The following TMC1 variants were observed in gnomAD, a reference collection of about 807,000 sequenced individuals.
The protein encoded by TMC1 is transmembrane channel like 1.
In TMC1, 84 loss-of-function variants were observed where a neutral mutation model predicts 105.8. The ratio of observed to expected loss-of-function variants is 0.79; its 90% CI spans 0.67 to 0.95. The LOEUF (loss-of-function observed/expected upper bound fraction) is 0.95, where lower values mean the gene tolerates loss of function less well. Ranked by LOEUF, TMC1 falls within the 40% of genes least tolerant of loss-of-function variation. TMC1 has a pLI of 0.00. For missense variants in TMC1, 817 were observed against 914.1 expected (o/e 0.89, Z 1.37); for synonymous variants, 315 against 311.5 (o/e 1.01, Z -0.12).
chr9:72,695,282 A>G (rs1826531046), intron 7 of TMC1, among the ~76,000 whole-genome samples: 2 of 152,208 alleles, frequency 1.3e-5, no homozygotes, highest in South Asian at 2.1e-4. Context: ...TTTTCTTTTT[A>G]ATACAACTCA....
chr9:72,586,986 C>T (rs979793126), intron 2 of TMC1, among the ~76,000 whole-genome samples: 1 of 152,054 alleles, frequency 6.6e-6, no homozygotes, highest in Non-Finnish European at 1.5e-5. Context: ...GGACATTTGG[C>T]AAAGTCTGGA....
intron 4 of TMC1, among the ~76,000 whole-genome samples, chr9:72,629,681 A>G (rs1478358148): frequency 1.3e-5 from 2 of 152,190 alleles, no homozygotes; most frequent in Admixed American, 6.5e-5. Context: ...TATAACTTAT[A>G]TGAGACATAG....
chr9:72,706,411 T>G (rs1408361236), intron 8 of TMC1, among the ~76,000 whole-genome samples: 2 of 152,218 alleles, frequency 1.3e-5, no homozygotes, highest in African/African-American at 4.8e-5. Context: ...CATAAGTTTT[T>G]GGGGAACAGG....
At chr9:72,562,702 TAGAA>T (rs1425895033) in intron 1 of TMC1, among the ~76,000 whole-genome samples, 2 of 139,158 alleles carry the variant, frequency 1.4e-5, no homozygotes, top group East Asian at 2.1e-4. Flanking sequence ...TTTAAAAATT[TAGAA>T]AGGAGTTTCC....
At chr9:72,806,286 A>T (rs1642025506) in intron 18 of TMC1, among the ~76,000 whole-genome samples, 1 of 145,896 alleles carries the variant, frequency 6.9e-6, no homozygotes, top group South Asian at 2.1e-4. Context: ...CTCACTTCCC[A>T]GTAGGGGCAG....
At chr9:72,721,952 TA>T (rs1198555497) in intron 8 of TMC1, among the ~76,000 whole-genome samples, 1 of 152,122 alleles carries the variant, frequency 6.6e-6, no homozygotes, top group Non-Finnish European at 1.5e-5. Flanking sequence ...CAATTTTGCC[TA>T]AAAAATATCG....
intron 1 of TMC1, among the ~76,000 whole-genome samples, chr9:72,545,928 AAAAAGTTCAAATGTCATCGCTC>A (rs1823758414): frequency 6.7e-6 from 1 of 150,282 alleles, no homozygotes. Context: ...TCATCGCTCA[AAAAAGTTCAAATGTCATCGCTC>A]AAAAAAAAAA....
rs1554710175 is a variant in TMC1, at chr9:72,543,955, T to TC, written c.-428+22042_-428+22043insC. ...TTCTTTTTCTTTTTCTTTCTTTCTTTTTTTTTTTTTTTTTGAGATGGAGTC... is the reference window on the plus strand; with the variant it reads ...TTCTTTTTCTTTTTCTTTCTTTCTTTCTTTTTTTTTTTTTTGAGATGGAGTC... On this transcript the variant is annotated intron_variant, in intron 1 of 23. Transcript: ENST00000297784. Among the ~76,000 whole-genome samples the TC allele has an allele frequency of 6.9e-3, 254 of 36,902 alleles. 1 individual carries two copies. The highest frequency in any genetic ancestry group is 0.046 in the African/African-American group (219 of 4,784). The allele number at this position is 36,902 out of a possible 152,430, so 24.2% of individuals were successfully genotyped here.
chr9:72,715,347 G>T (rs1826899678), intron 8 of TMC1, among the ~76,000 whole-genome samples: 1 of 152,142 alleles, frequency 6.6e-6, no homozygotes, highest in East Asian at 1.9e-4. Context: ...ATAATATCCT[G>T]AAGAATGTTT....
intron 8 of TMC1, among the ~76,000 whole-genome samples, chr9:72,704,486 A>C (rs1264786643): frequency 6.6e-6 from 1 of 152,168 alleles, no homozygotes. Context: ...ACCCGAGCAC[A>C]CTCAGGGCTT....
At chr9:72,815,979 G>A (rs969153748) in intron 18 of TMC1, among the ~76,000 whole-genome samples, 164 bp from the exon 19 acceptor site, 12 of 151,972 alleles carry the variant, frequency 7.9e-5, no homozygotes, top group Non-Finnish European at 1.5e-4. Context: ...AAAAAAAGGT[G>A]CTTTCTTTGT....
At chr9:72,766,966 G>A (rs72733065) in intron 12 of TMC1, among the ~76,000 whole-genome samples, 12,392 of 152,262 alleles carry the variant, frequency 0.081, 655 homozygotes, top group Non-Finnish European at 0.13. Context: ...CACAAGGCCC[G>A]GGCTGGCTGC....
intron 20 of TMC1, among the ~76,000 whole-genome samples, chr9:72,826,069 G>T (rs1211083475): frequency 6.6e-6 from 1 of 152,200 alleles, no homozygotes; most frequent in Non-Finnish European, 1.5e-5. Context: ...TTATTCTGAT[G>T]ATGCATACAA....
chr9:72,820,123 T>A (rs1423630576), intron 19 of TMC1, among the ~76,000 whole-genome samples: 1 of 152,170 alleles, frequency 6.6e-6, no homozygotes, highest in Non-Finnish European at 1.5e-5. Flanking sequence ...TAAATAAATG[T>A]GTGGAATTTT....
intron 11 of TMC1, 102 bp downstream of exon 11, chr9:72,752,058 C>T (rs568140027): frequency 1.2e-5 from 10 of 843,382 alleles, no homozygotes; most frequent in South Asian, 8.2e-5. Context: ...GCTATTTTCA[C>T]GTCTTAGAGT....
chr9:72,784,914 GAAC>G (rs1283637219), intron 13 of TMC1, among the ~76,000 whole-genome samples: 2 of 152,122 alleles, frequency 1.3e-5, no homozygotes, highest in Admixed American at 6.5e-5. Flanking sequence ...GCAAAGAAGA[GAAC>G]AATAGACACC....
intron 1 of TMC1, among the ~76,000 whole-genome samples, chr9:72,556,776 C>G (rs1823947903): frequency 6.6e-6 from 1 of 151,886 alleles, no homozygotes; most frequent in Non-Finnish European, 1.5e-5. Flanking sequence ...GAGCCAGATC[C>G]CGCCACTGCA....
At chr9:72,540,280 G>A (rs139650245) in intron 1 of TMC1, among the ~76,000 whole-genome samples, 141 of 152,278 alleles carry the variant, frequency 9.3e-4, no homozygotes, top group African/African-American at 3.3e-3. Context: ...CCAGGAAATG[G>A]GGGGTAGGAA....
At chr9:72,780,506 C>CA (rs1381861290) in intron 13 of TMC1, among the ~76,000 whole-genome samples, 1 of 152,116 alleles carries the variant, frequency 6.6e-6, no homozygotes, top group Non-Finnish European at 1.5e-5. Context: ...ATGTTGTCTT[C>CA]AAGGGACCCA....
Sources: gnomAD v4.1 joint callset for allele counts (sites outside exome capture counted in the v4.1 genomes callset) on GRCh38, gnomAD v4.1.1 for gene constraint, MANE v1.5 for transcripts, NCBI Gene and HGNC (gene_info 2026-07-23, HGNC 2026-07-21) for gene names.